The following LARGE1 variants were observed in gnomAD, a reference collection of about 807,000 sequenced individuals.
The protein encoded by LARGE1 is LARGE xylosyl- and glucuronyltransferase 1, also known as xylosyl- and glucuronyltransferase LARGE1.
LARGE1 carries 43 observed loss-of-function variants against 87.6 expected under a neutral mutation model. The observed-to-expected ratio is 0.49, with a 90% CI of 0.38 to 0.63. LARGE1 has a LOEUF of 0.63. Ranked by LOEUF, LARGE1 falls within the 30% of genes least tolerant of loss-of-function variation. The pLI is 0.00. For missense variants in LARGE1, 802 were observed against 1,000.2 expected (o/e 0.80, Z 2.67); for synonymous variants, 434 against 394.6 (o/e 1.10, Z -1.18).
At chr22:33,305,888 T>C (rs1569035634) in intron 11 of LARGE1, among the ~76,000 whole-genome samples, 2 of 147,300 alleles carry the variant, frequency 1.4e-5, no homozygotes, top group Non-Finnish European at 3.0e-5. Flanking sequence ...TTGCCCAGGA[T>C]GGTGCAGTGG....
chr22:33,675,796 C>G (rs1487788566), intron 2 of LARGE1, among the ~76,000 whole-genome samples: 1 of 152,032 alleles, frequency 6.6e-6, no homozygotes, highest in Non-Finnish European at 1.5e-5. Context: ...CTCAGTTAAT[C>G]CCTTCAACAG....
chr22:33,831,571 T>G (rs1601723568), intron 1 of LARGE1, among the ~76,000 whole-genome samples: 1 of 152,192 alleles, frequency 6.6e-6, no homozygotes, highest in Non-Finnish European at 1.5e-5. Context: ...AGGAGCACTC[T>G]CAAGCCACTC....
At chr22:33,708,070 C>A (rs918629594) in intron 2 of LARGE1, among the ~76,000 whole-genome samples, 2 of 152,154 alleles carry the variant, frequency 1.3e-5, no homozygotes, top group Non-Finnish European at 2.9e-5. Flanking sequence ...AAATATCACC[C>A]AGAAGGACCC....
intron 6 of LARGE1, among the ~76,000 whole-genome samples, chr22:33,456,033 G>T (rs779143628): frequency 4.6e-5 from 7 of 152,170 alleles, no homozygotes; most frequent in Non-Finnish European, 8.8e-5. Flanking sequence ...TGATTTGTCT[G>T]TACATTTTCT....
At chr22:33,229,546 A>G (rs957346560) in intron 11 of LARGE1, among the ~76,000 whole-genome samples, 3 of 152,172 alleles carry the variant, frequency 2.0e-5, no homozygotes, top group Non-Finnish European at 4.4e-5. Context: ...ACAGCCGAAA[A>G]GAGACTCAGT....
At chr22:33,761,894 C>T (rs542376267) in intron 1 of LARGE1, among the ~76,000 whole-genome samples, 8 of 152,172 alleles carry the variant, frequency 5.3e-5, no homozygotes, top group African/African-American at 9.6e-5. Context: ...TTATGTACCA[C>T]GTATGAACCA....
chr22:33,362,767 A>G (rs939087659), intron 9 of LARGE1, among the ~76,000 whole-genome samples: 2 of 150,242 alleles, frequency 1.3e-5, no homozygotes, highest in East Asian at 1.9e-4. Flanking sequence ...CAACAGCTCA[A>G]TGAAAAGAAG....
chr22:33,451,196 T>C (rs1268542267), intron 6 of LARGE1, among the ~76,000 whole-genome samples: 2 of 152,062 alleles, frequency 1.3e-5, no homozygotes, highest in African/African-American at 2.4e-5. Flanking sequence ...TCCTTTCCGA[T>C]GGAGGCATCC....
intron 11 of LARGE1, among the ~76,000 whole-genome samples, chr22:33,214,578 G>A (rs12158368): frequency 0.079 from 11,984 of 151,900 alleles, 1,412 homozygotes; most frequent in African/African-American, 0.25. Flanking sequence ...AGAGACCAAG[G>A]AATCTCCTGG....
At chr22:33,705,899 T>C (rs2267264) in intron 2 of LARGE1, among the ~76,000 whole-genome samples, 27,588 of 152,226 alleles carry the variant, frequency 0.18, 2,725 homozygotes, top group South Asian at 0.25. Context: ...CTTGCATTAC[T>C]TTAACTCTAA....
At chr22:33,463,222 T>C (rs188319699) in intron 6 of LARGE1, among the ~76,000 whole-genome samples, 1 of 151,250 alleles carries the variant, frequency 6.6e-6, no homozygotes, top group Non-Finnish European at 1.5e-5. Flanking sequence ...GGAATTTAAA[T>C]AAATCCAACT....
chr22:33,271,180 A>G (rs1328088619), downstream of LARGE1, among the ~76,000 whole-genome samples: 1 of 152,220 alleles, frequency 6.6e-6, no homozygotes, highest in South Asian at 2.1e-4. Context: ...CTAGAAATCC[A>G]AGAATCTTCC....
At chr22:33,518,538 A>G (rs368344519) in intron 6 of LARGE1, among the ~76,000 whole-genome samples, 2 of 152,288 alleles carry the variant, frequency 1.3e-5, no homozygotes, top group South Asian at 2.1e-4. Flanking sequence ...CGAACTCCTG[A>G]CCTCAGGTGT....
intron 1 of LARGE1, among the ~76,000 whole-genome samples, chr22:33,904,151 T>C (rs2065366012): frequency 6.6e-6 from 1 of 152,070 alleles, no homozygotes; most frequent in African/African-American, 2.4e-5. Flanking sequence ...TCCGGGGATG[T>C]GGTGGAGGTT....
At chr22:33,481,949 C>G (rs2069348515) in intron 6 of LARGE1, among the ~76,000 whole-genome samples, 1 of 152,126 alleles carries the variant, frequency 6.6e-6, no homozygotes, top group Non-Finnish European at 1.5e-5. Context: ...TTAGAGTTTC[C>G]TTCTTTCCTA....
At chr22:33,435,221 C>T (rs568817496) in intron 6 of LARGE1, among the ~76,000 whole-genome samples, 16 of 152,100 alleles carry the variant, frequency 1.1e-4, no homozygotes, top group African/African-American at 3.1e-4. Context: ...AGGCTGATCT[C>T]GAACTCCTAA....
At chr22:33,375,000 T>G (rs1410855746) in intron 9 of LARGE1, among the ~76,000 whole-genome samples, 4 of 152,174 alleles carry the variant, frequency 2.6e-5, no homozygotes, top group Non-Finnish European at 5.9e-5. Context: ...TAGATATAGG[T>G]TAATAAAAAC....
chr22:33,905,935 G>A (rs1014173011), intron 1 of LARGE1, among the ~76,000 whole-genome samples: 1 of 152,128 alleles, frequency 6.6e-6, no homozygotes, highest in East Asian at 1.9e-4. Context: ...TTCGAGACCA[G>A]CGTGACCAAC....
At chr22:33,655,237 C>T (rs913441044) in intron 2 of LARGE1, among the ~76,000 whole-genome samples, 1 of 152,176 alleles carries the variant, frequency 6.6e-6, no homozygotes, top group East Asian at 1.9e-4. Flanking sequence ...CAGGTGTCCT[C>T]CCCTGGTGTG....
Sources: gnomAD v4.1 joint callset for allele counts (sites outside exome capture counted in the v4.1 genomes callset) on GRCh38, gnomAD v4.1.1 for gene constraint, MANE v1.5 for transcripts, NCBI Gene and HGNC (gene_info 2026-07-23, HGNC 2026-07-21) for gene names.